Variants in SLC2A9 observed in about 807,000 individuals in gnomAD.
The protein encoded by SLC2A9 is solute carrier family 2, facilitated glucose transporter member 9.
A neutral mutation model predicts 50.6 loss-of-function variants in SLC2A9; 39 were observed. The observed-to-expected ratio is 0.77, with a 90% confidence interval of 0.60 to 1.01. The LOEUF (loss-of-function observed/expected upper bound fraction) is 1.01. Ranked by LOEUF, SLC2A9 falls within the 50% of genes least tolerant of loss-of-function variation. The pLI, the probability that SLC2A9 is intolerant of heterozygous loss-of-function variation, is 0.00. For missense variants in SLC2A9, 686 were observed against 677.6 expected, an observed-to-expected ratio of 1.01 and a Z score of -0.14; for synonymous variants, 324 against 276.9, an observed-to-expected ratio of 1.17 and a Z score of -1.69.
chr4:9,802,559 C>CT (rs1238703528), intron 3 of SLC2A9, among the ~76,000 whole-genome samples: 3,275 of 126,952 alleles, frequency 0.026, 108 homozygotes, highest in African/African-American at 0.07. Flanking sequence ...TTGTTCTTTT[C>CT]TTTTTTTTTT....
intron 10 of SLC2A9, among the ~76,000 whole-genome samples, chr4:9,843,555 A>C (rs1033033407): frequency 5.9e-5 from 9 of 152,086 alleles, no homozygotes; most frequent in South Asian, 2.1e-4. Flanking sequence ...GAATCAGACC[A>C]TCTGGGTTAG....
chr4:9,948,176 C>T (rs991333042), intron 5 of SLC2A9, among the ~76,000 whole-genome samples: 9 of 152,084 alleles, frequency 5.9e-5, no homozygotes, highest in Admixed American at 2.0e-4. Context: ...TCCAGCTTCT[C>T]GGGATACTTA....
intron 3 of SLC2A9, among the ~76,000 whole-genome samples, chr4:9,811,070 C>T (rs1722827448): frequency 6.6e-6 from 1 of 152,184 alleles, no homozygotes; most frequent in African/African-American, 2.4e-5. Context: ...CTACCCTGTC[C>T]ACCACTTCTG....
At chr4:9,893,735 A>G (rs1737988989) in intron 8 of SLC2A9, among the ~76,000 whole-genome samples, 1 of 152,126 alleles carries the variant, frequency 6.6e-6, no homozygotes, top group Non-Finnish European at 1.5e-5. Flanking sequence ...GCTGGGTCCT[A>G]GTGCCAGGAG....
chr4:9,816,530 T>A (rs1387064375), intron 3 of SLC2A9, among the ~76,000 whole-genome samples: 2 of 152,188 alleles, frequency 1.3e-5, no homozygotes, highest in Non-Finnish European at 2.9e-5. Context: ...ATTTTAAGTG[T>A]TCTCACCACA....
chr4:10,009,176 C>T (rs1761344998), intron 2 of SLC2A9, among the ~76,000 whole-genome samples: 1 of 152,220 alleles, frequency 6.6e-6, no homozygotes, highest in South Asian at 2.1e-4. Context: ...TTGACACAGT[C>T]TCTGCTCATC....
intron 8 of SLC2A9, among the ~76,000 whole-genome samples, chr4:9,903,869 TTATAA>T: frequency 6.8e-6 from 1 of 147,390 alleles, no homozygotes; most frequent in East Asian, 2.0e-4. Context: ...ATTTTATATA[TTATAA>T]ATTTTATATA....
chr4:9,799,457 T>C (rs1215496742), intron 3 of SLC2A9, among the ~76,000 whole-genome samples: 1 of 152,106 alleles, frequency 6.6e-6, no homozygotes, highest in Non-Finnish European at 1.5e-5. Flanking sequence ...TCTTCATCTC[T>C]TTTATAAGGT....
chr4:9,874,138 G>A (rs764912432), intron 10 of SLC2A9, among the ~76,000 whole-genome samples: 10 of 152,042 alleles, frequency 6.6e-5, no homozygotes, highest in Non-Finnish European at 1.0e-4. Flanking sequence ...TGTGTCCTAG[G>A]CTTCCATTAG....
intron 3 of SLC2A9, among the ~76,000 whole-genome samples, chr4:9,816,268 T>A (rs1723578871): frequency 6.6e-6 from 1 of 152,196 alleles, no homozygotes; most frequent in African/African-American, 2.4e-5. Context: ...CATTACCTGC[T>A]CTGGAGACAA....
At chr4:9,955,790 A>T (rs1751150838) in intron 5 of SLC2A9, among the ~76,000 whole-genome samples, 1 of 148,996 alleles carries the variant, frequency 6.7e-6, no homozygotes, top group South Asian at 2.1e-4. Context: ...TTGGGTCAGT[A>T]TTAACCTTTT....
intron 3 of SLC2A9, among the ~76,000 whole-genome samples, chr4:9,816,202 G>A (rs1425200412): frequency 8.3e-6 from 1 of 120,852 alleles, no homozygotes; most frequent in Non-Finnish European, 1.8e-5. Flanking sequence ...TAAATAAATA[G>A]AATTTCTAAC....
chr4:9,820,339 T>C (rs900225325), intron 3 of SLC2A9, among the ~76,000 whole-genome samples: 1 of 152,214 alleles, frequency 6.6e-6, no homozygotes, highest in African/African-American at 2.4e-5. Flanking sequence ...TTCACCAATA[T>C]TGTAGTGTCC....
At chr4:9,783,632 T>C (rs539061507) in intron 3 of SLC2A9, 8 of 690,866 alleles carry the variant, frequency 1.2e-5, no homozygotes, top group East Asian at 5.5e-5. Context: ...GTTCGAAGAA[T>C]TGGCAGAAGC....
intron 10 of SLC2A9, among the ~76,000 whole-genome samples, chr4:9,838,239 T>C (rs532790048): frequency 1.1e-4 from 16 of 152,252 alleles, no homozygotes; most frequent in African/African-American, 3.9e-4. Context: ...GTAATGATGA[T>C]GACGATGGTG....
At chr4:9,982,037 A>C (rs1755969963) in intron 4 of SLC2A9, among the ~76,000 whole-genome samples, 1 of 152,146 alleles carries the variant, frequency 6.6e-6, no homozygotes. Context: ...ATGCGCCACC[A>C]CGCCCAGCTA....
intron 1 of SLC2A9, among the ~76,000 whole-genome samples, chr4:10,026,786 G>A (rs866912275): frequency 7.2e-5 from 11 of 152,192 alleles, no homozygotes; most frequent in African/African-American, 2.2e-4. Flanking sequence ...GCTCATGCCT[G>A]TAATCCCAGC....
chr4:10,004,981 A>G (rs1052010676), intron 2 of SLC2A9, among the ~76,000 whole-genome samples: 4 of 152,212 alleles, frequency 2.6e-5, no homozygotes, highest in African/African-American at 9.6e-5. Context: ...TTACTTTTTC[A>G]TTCAGCCAAC....
chr4:9,882,828 C>T (rs536098748), intron 10 of SLC2A9, among the ~76,000 whole-genome samples: 1 of 152,148 alleles, frequency 6.6e-6, no homozygotes, highest in East Asian at 1.9e-4. Flanking sequence ...TGGCCGTGTC[C>T]ATTCTCCACA....
Sources: gnomAD v4.1 joint callset for allele counts (sites outside exome capture counted in the v4.1 genomes callset) on GRCh38, gnomAD v4.1.1 for gene constraint, MANE v1.5 for transcripts, NCBI Gene and HGNC (gene_info 2026-07-23, HGNC 2026-07-21) for gene names.